The following PCDHA5 variants were observed in gnomAD, a reference collection of about 807,000 sequenced individuals.
PCDHA5 encodes the protein protocadherin alpha-5.
In PCDHA5, 43 loss-of-function variants were observed where a neutral mutation model predicts 61.6. The ratio of observed to expected loss-of-function variants is 0.70; its 90% CI spans 0.55 to 0.90. The LOEUF (loss-of-function observed/expected upper bound fraction) is 0.90. Among genes scored for constraint, PCDHA5 ranks in the 40% least tolerant of loss-of-function variants. The pLI, the probability that PCDHA5 is intolerant of heterozygous loss-of-function variation, is 0.00. For missense variants in PCDHA5, 1,298 were observed against 1,222.7 expected (o/e 1.06, Z -0.92); for synonymous variants, 627 against 543.9 (o/e 1.15, Z -2.13).
At chr5:140,843,844 AC>A in intron 1 of PCDHA5, 1 of 1,001,290 alleles carries the variant, frequency 1.0e-6, no homozygotes, top group Non-Finnish European at 1.5e-6. Flanking sequence ...GTTTTTAGAA[AC>A]CTTTTATAAT....
Position 140,951,753 on chromosome 5 carries a change from C to T in PCDHA5, c.2353-27196C>T, listed in dbSNP as rs140119406. ...ATTCTGCCACTGCCCTCACCCTCCGCGAAATCTCATGACGTTCTTACATTG... is the reference window on the plus strand; with the variant it reads ...ATTCTGCCACTGCCCTCACCCTCCGTGAAATCTCATGACGTTCTTACATTG... On this transcript the variant is annotated intron_variant, in intron 1 of 3. Transcript: ENST00000529859. Among the ~76,000 whole-genome samples the T allele has an allele frequency of 7.0e-3, 1,059 of 152,208 alleles. 11 individuals are homozygous for T. The highest frequency in any genetic ancestry group is 0.014 in the Admixed American group (209 of 15,290).
intron 1 of PCDHA5, chr5:140,876,694 G>A (rs1196941664): frequency 6.2e-7 from 1 of 1,614,142 alleles, no homozygotes; most frequent in African/African-American, 1.3e-5. Flanking sequence ...CTACTCGTTG[G>A]TGCTGGACAG....
chr5:140,862,944 T>C (rs1554157274), intron 1 of PCDHA5: 3 of 542,156 alleles, frequency 5.5e-6, no homozygotes, highest in Admixed American at 3.9e-5. Flanking sequence ...GTGAGTGAGC[T>C]GGTGCGGTAT....
At chr5:140,931,962 A>G (rs1439185046) in intron 1 of PCDHA5, among the ~76,000 whole-genome samples, 1 of 151,924 alleles carries the variant, frequency 6.6e-6, no homozygotes, top group Non-Finnish European at 1.5e-5. Context: ...AATCATGTTG[A>G]TGCATATGTG....
At chr5:140,970,252 T>G (rs2096392828) in intron 1 of PCDHA5, among the ~76,000 whole-genome samples, 1 of 152,234 alleles carries the variant, frequency 6.6e-6, no homozygotes, top group South Asian at 2.1e-4. Flanking sequence ...GTTGACAGTT[T>G]CTATGGTTTT....
intron 1 of PCDHA5, chr5:140,968,160 A>G: frequency 7.4e-6 from 12 of 1,614,104 alleles, no homozygotes; most frequent in Non-Finnish European, 1.0e-5. Context: ...ATCAATGACA[A>G]TCCACCAAGC....
rs781872854 is a variant in PCDHA5 at position 140,856,136 on chromosome 5, C to T, written c.2352+32009C>T. On this transcript the variant is annotated intron_variant, in intron 1 of 3. Coordinates refer to ENST00000529859, the MANE Select transcript of PCDHA5 (RefSeq NM_018908.3). ...AGCCTGGGAGGTGGGGAGCGGCCAGCTCCACTACTCAGTCTACGAGGAGGC... is the reference window on the plus strand; with the variant it reads ...AGCCTGGGAGGTGGGGAGCGGCCAGTTCCACTACTCAGTCTACGAGGAGGC... 28 of 1,598,232 alleles carry T rather than the reference C, an allele frequency of 1.8e-5. 1 individual carries two copies. Among genetic ancestry groups the T allele is most frequent in the Non-Finnish European group, 2.4e-5 (28 of 1,167,860 alleles).
intron 1 of PCDHA5, among the ~76,000 whole-genome samples, chr5:140,894,264 G>A (rs1231047220): frequency 1.3e-5 from 2 of 151,820 alleles, no homozygotes; most frequent in African/African-American, 4.8e-5. Flanking sequence ...ACAAGTGGTA[G>A]CTTATTTACA....
chr5:140,829,809 C>T lies in PCDHA5; in HGVS notation c.2352+5682C>T, dbSNP rs139323547. The stretch of plus-strand genomic sequence containing the variant: ...CTGCTGGCGCCTCGGGTGGGTGGTA[C>T]TGGTGGTGCAGTGAGCGAGCTGGTG... On this transcript the variant is annotated intron_variant, in intron 1 of 3. Coordinates refer to ENST00000529859, the MANE Select transcript of PCDHA5 (RefSeq NM_018908.3). The T allele has an allele frequency of 1.0e-3, 1,632 of 1,613,854 alleles. 19 individuals are homozygous for T. The African/African-American group carries it at 0.019, about 19-fold the overall frequency.
At chr5:140,833,018 C>T (rs1360278866) in intron 1 of PCDHA5, among the ~76,000 whole-genome samples, 1 of 152,022 alleles carries the variant, frequency 6.6e-6, no homozygotes, top group East Asian at 1.9e-4. Context: ...ACATGGTTCC[C>T]ATAAGAGAGA....
At chr5:140,931,935 G>A (rs1456832226) in intron 1 of PCDHA5, among the ~76,000 whole-genome samples, 2 of 151,826 alleles carry the variant, frequency 1.3e-5, no homozygotes, top group East Asian at 1.9e-4. Context: ...ATTATAATGT[G>A]TGTCTGAGTC....
chr5:140,842,590 G>T (rs2150340027), intron 1 of PCDHA5: 1 of 1,530,304 alleles, frequency 6.5e-7, no homozygotes, highest in Admixed American at 1.8e-5. Context: ...CCTATGAGTT[G>T]GTGGTAACCG....
Position 140,824,271 on chromosome 5 carries a change from T to C in PCDHA5, c.2352+144T>C, listed in dbSNP as rs1428906460. 2.5e-6 allele frequency: 3 copies of C among 1,216,294 alleles called. No individual in the cohort carries two copies. The African/African-American group carries it at 4.5e-5, about 18-fold the overall frequency. 75.3% of individuals were successfully genotyped at this position (1,216,294 alleles called of 1,614,324 possible). A position where few individuals can be genotyped will look rare whatever the true frequency, so the allele number is the denominator to read the frequency against. ...ACAATTATTGCACTAATTCATGTAT[T>C]ATATGCTTTTTATGAGGCTTTTCTG... On this transcript the variant is annotated intron_variant, in intron 1 of 3. Coordinates refer to ENST00000529859, the MANE Select transcript of PCDHA5 (RefSeq NM_018908.3).
chr5:140,990,984 A>G (rs1213067851), intron 3 of PCDHA5, among the ~76,000 whole-genome samples: 4 of 152,200 alleles, frequency 2.6e-5, no homozygotes, highest in Admixed American at 6.5e-5. Context: ...AAGGAAGACA[A>G]TAGCTACCAT....
chr5:140,869,698 T>C (rs782072995), intron 1 of PCDHA5: 4 of 1,613,236 alleles, frequency 2.5e-6, no homozygotes, highest in Middle Eastern at 1.6e-4. Context: ...TTTAAAGAAG[T>C]CTCTGGATAG....
At chr5:140,884,667 G>A (rs1304262646) in intron 1 of PCDHA5, 4 of 1,568,684 alleles carry the variant, frequency 2.5e-6, no homozygotes, top group Non-Finnish European at 2.6e-6. Context: ...AAAGAGGTAA[G>A]CTTATATTTT....
chr5:140,835,420 A>G (rs2150235357), intron 1 of PCDHA5: 60 of 1,613,840 alleles, frequency 3.7e-5, no homozygotes, highest in Non-Finnish European at 4.5e-5. Context: ...GTAAATGACA[A>G]TGCTCCACAG....
intron 3 of PCDHA5, among the ~76,000 whole-genome samples, chr5:140,989,918 G>A (rs1554251173): frequency 6.6e-6 from 1 of 151,960 alleles, no homozygotes; most frequent in East Asian, 1.9e-4. Flanking sequence ...AAGAGGGAGA[G>A]CAGAGATAGA....
At chr5:140,914,973 G>A (rs1166162661) in intron 1 of PCDHA5, among the ~76,000 whole-genome samples, 2 of 140,450 alleles carry the variant, frequency 1.4e-5, no homozygotes, top group Non-Finnish European at 3.0e-5. Context: ...CTGAGTCAGA[G>A]TCTTGCTCTG....
Sources: gnomAD v4.1 joint callset for allele counts (sites outside exome capture counted in the v4.1 genomes callset) on GRCh38, gnomAD v4.1.1 for gene constraint, MANE v1.5 for transcripts, NCBI Gene and HGNC (gene_info 2026-07-23, HGNC 2026-07-21) for gene names.